Variants in FHAD1 observed in about 807,000 individuals in gnomAD.
FHAD1 encodes forkhead-associated domain-containing protein 1.
FHAD1 carries 146 observed loss-of-function variants against 191.3 expected under a neutral mutation model. The observed-to-expected ratio is 0.76, with a 90% CI of 0.67 to 0.88. The LOEUF is 0.88. Ranked by LOEUF, FHAD1 falls within the 40% of genes least tolerant of loss-of-function variation. The pLI, the probability that FHAD1 is intolerant of heterozygous loss-of-function variation, is 0.00. For synonymous variants in FHAD1, 616 were observed against 672.3 expected (o/e 0.92, Z 1.29); for missense variants, 1,635 against 1,785.8 (o/e 0.92, Z 1.52).
At chr1:15,241,329 T>G (rs1645342985) in intron 1 of FHAD1, among the ~76,000 whole-genome samples, 1 of 152,118 alleles carries the variant, frequency 6.6e-6, no homozygotes, top group African/African-American at 2.4e-5. Flanking sequence ...GAAGATGGAA[T>G]TTGTAGGATC....
At chr1:15,400,297 G>T (rs1261657583), downstream of FHAD1, 1 of 152,208 alleles carries the variant, frequency 6.6e-6, no homozygotes, top group Non-Finnish European at 1.5e-5. Context: ...CTGTAGTCAG[G>T]TCTATGTATT....
In FHAD1 at chr1:15,251,791, G is replaced by A; in HGVS notation, c.7G>A (p.Ala3Thr). 2 of 1,551,572 alleles carry A rather than the reference G, an allele frequency of 1.3e-6. No homozygotes were observed. The highest frequency in any genetic ancestry group is 1.7e-6 in the Non-Finnish European group (2 of 1,146,908). MKAYLKSAEGFFV... is the reference protein window; with the variant it reads MKTYLKSAEGFFV... ...TGTAGGGAAAACAGAGAGGATGAAG[G>A]CCTATCTAAAGAGCGCAGAAGGCTT... The change falls in exon 2 of 34, where the codon GCC (alanine) becomes ACC (threonine). Residue 3 changes from alanine to threonine, a missense_variant. Coordinates refer to ENST00000688493, the MANE Select transcript of FHAD1 (RefSeq NM_001391957.1).
intron 11 of FHAD1, 70 bp from the exon 12 acceptor site, chr1:15,326,989 C>A: frequency 2.2e-6 from 2 of 924,912 alleles, no homozygotes; most frequent in Non-Finnish European, 3.5e-6. Context: ...CGCACCCTGC[C>A]ATGGAAACGC....
chr1:15,272,887 T>C lies in FHAD1; in HGVS notation c.300+358T>C, dbSNP rs553764985. Among the ~76,000 whole-genome samples, 38 of 152,338 alleles carry C rather than the reference T, an allele frequency of 2.5e-4. No homozygotes were observed. The East Asian group carries it at 3.9e-3, about 15-fold the overall frequency. ...GATGAGCACGCTGCTCCTTCCTAGC[T>C]CTGTGACCTGGGCCAGACTTCTTCA... On this transcript the variant is annotated intron_variant, in intron 3 of 33. Transcript: ENST00000688493.
At chr1:15,387,799 C>T (rs1053018048) in intron 31 of FHAD1, among the ~76,000 whole-genome samples, 1 of 152,236 alleles carries the variant, frequency 6.6e-6, no homozygotes, top group East Asian at 1.9e-4. Context: ...GTGGGAGGAC[C>T]GCTTGAGCCT....
Position 15,339,504 on chromosome 1 carries a change from C to A in FHAD1, c.1930C>A (p.Leu644Ile). 1 of 1,282,704 alleles carries A rather than the reference C, an allele frequency of 7.8e-7. No individual in the cohort carries two copies. The highest frequency in any genetic ancestry group is 1.0e-6 in the Non-Finnish European group (1 of 974,326). The allele number at this position is 1,282,704 out of a possible 1,614,324, so 79.5% of individuals were successfully genotyped here. A position where few individuals can be genotyped will look rare whatever the true frequency, so the allele number is the denominator to read the frequency against. Residue 644 changes from leucine (L) to isoleucine (I), a missense_variant, in exon 15 of 34, where the codon CTT (leucine) becomes ATT (isoleucine). Transcript: ENST00000688493. The stretch of plus-strand genomic sequence containing the variant: ...AGGGTTCTCTTTGTATCTGATATAT[C>A]TTCTGGAACATTATAAAAAACTTAT... ...NKGFSLYLIY[L>I]LEHYKKLMSQ...
At chr1:15,256,285 G>A (rs1478226882) in intron 2 of FHAD1, among the ~76,000 whole-genome samples, 3 of 152,118 alleles carry the variant, frequency 2.0e-5, no homozygotes, top group Non-Finnish European at 4.4e-5. Context: ...TGACACAGTG[G>A]GGTTAGGTGA....
At chr1:15,320,269 G>C (rs772920971) in intron 10 of FHAD1, among the ~76,000 whole-genome samples, 5 of 152,174 alleles carry the variant, frequency 3.3e-5, no homozygotes, top group Admixed American at 6.5e-5. Flanking sequence ...TTTATGGCCT[G>C]CATGTGGCCG....
chr1:15,339,383 G>A (rs537569694), intron 14 of FHAD1, 98 bp from the exon 15 acceptor site: 9 of 476,808 alleles, frequency 1.9e-5, no homozygotes, highest in East Asian at 1.4e-4. Context: ...GGCAGCTCAC[G>A]TTGTTTTGAT....
At chr1:15,337,782 G>T (rs200451973) in intron 14 of FHAD1, among the ~76,000 whole-genome samples, 166 of 151,824 alleles carry the variant, frequency 1.1e-3, no homozygotes, top group African/African-American at 3.6e-3. Flanking sequence ...AAAAAACAAC[G>T]CTCTTCATCA....
At position 15,358,303 on chromosome 1, in the gene FHAD1, G is replaced by A. The variant is rs992764699; in HGVS notation, c.2736+20G>A. The stretch of plus-strand genomic sequence containing the variant: ...AAAATGGTAAGTCGGTGCCTTCCGG[G>A]AACGGGAGAATTTTTCTCTCAATGG... On this transcript the variant is annotated intron_variant, in intron 21 of 33. Transcript: ENST00000688493. The A allele has an allele frequency of 1.3e-6, 2 of 1,519,092 alleles. No homozygotes were observed. The highest frequency in any genetic ancestry group is 2.8e-5 in the African/African-American group (2 of 70,532). 94.1% of individuals were successfully genotyped at this position (1,519,092 alleles called of 1,614,324 possible).
rs186052123 is a variant in FHAD1 at position 15,263,767 on chromosome 1, C to T, written c.94-8556C>T. On this transcript the variant is annotated intron_variant, in intron 2 of 33. Transcript: ENST00000688493. ...TGATCTCCTGACCTCGTGATCTGCCCGCCTCAGCCTCCCAAAGTGCTGGGA... is the reference window on the plus strand; with the variant it reads ...TGATCTCCTGACCTCGTGATCTGCCTGCCTCAGCCTCCCAAAGTGCTGGGA... 1.3e-3 allele frequency among the ~76,000 whole-genome samples: 191 copies of T among 152,120 alleles called. 3 individuals are homozygous for T. The South Asian group carries it at 0.032, about 25-fold the overall frequency.
intron 2 of FHAD1, among the ~76,000 whole-genome samples, chr1:15,257,148 G>A (rs77345043): frequency 0.13 from 19,860 of 152,218 alleles, 1,406 homozygotes; most frequent in Middle Eastern, 0.2. Flanking sequence ...TTTCACGGAC[G>A]TGCGAGTCCA....
intron 2 of FHAD1, among the ~76,000 whole-genome samples, chr1:15,264,105 TCTTCAGGGTTC>T (rs1652374769): frequency 6.6e-6 from 1 of 152,202 alleles, no homozygotes; most frequent in South Asian, 2.1e-4. Flanking sequence ...TTGTTTTGGC[TCTTCAGGGTTC>T]CTTTGAGAAT....
chr1:15,387,279 C>A (rs1412297306), intron 31 of FHAD1, among the ~76,000 whole-genome samples: 1 of 152,132 alleles, frequency 6.6e-6, no homozygotes, highest in African/African-American at 2.4e-5. Flanking sequence ...CAGGTATTTT[C>A]AAGATCCTGG....
intron 14 of FHAD1, among the ~76,000 whole-genome samples, chr1:15,333,931 C>T (rs982568498): frequency 3.5e-5 from 5 of 143,850 alleles, no homozygotes; most frequent in African/African-American, 1.3e-4. Flanking sequence ...CTCCCAGGCT[C>T]AAGCGATCCT....
chr1:15,238,935 T>C (rs1160873728), intron 1 of FHAD1, among the ~76,000 whole-genome samples: 2 of 152,016 alleles, frequency 1.3e-5, no homozygotes, highest in East Asian at 3.9e-4. Flanking sequence ...GAGACGGGGG[T>C]CTCACTAAGT....
At chr1:15,246,927 C>T (rs1646111230), upstream of FHAD1, among the ~76,000 whole-genome samples, 1 of 152,126 alleles carries the variant, frequency 6.6e-6, no homozygotes, top group South Asian at 2.1e-4. Context: ...CATCAATCTC[C>T]TACCTCTCCC....
In FHAD1 at chr1:15,360,517, G is replaced by A. The variant is rs912770434; in HGVS notation, c.2776G>A (p.Val926Ile). The A allele has an allele frequency of 1.5e-5, 24 of 1,551,564 alleles. No individual in the cohort carries two copies. Among genetic ancestry groups the A allele is most frequent in the Non-Finnish European group, 1.9e-5 (22 of 1,146,934 alleles). Residue 926 changes from valine to isoleucine, a missense_variant, in exon 22 of 34, where the codon GTA (valine) becomes ATA (isoleucine). Physicochemically the swap from Val to Ile is conservative, Grantham distance 29. Transcript: ENST00000688493. ...GCGGCTAATCCTGCAGCAGAAGATGGTAAAGGCCCTCCAGGATGAGCAGGA... is the reference window on the plus strand; with the variant it reads ...GCGGCTAATCCTGCAGCAGAAGATGATAAAGGCCCTCCAGGATGAGCAGGA... ...EERLILQQKM[V>I]KALQDEQESQ...
Sources: gnomAD v4.1 joint callset for allele counts (sites outside exome capture counted in the v4.1 genomes callset) on GRCh38, gnomAD v4.1.1 for gene constraint, MANE v1.5 for transcripts, NCBI Gene and HGNC (gene_info 2026-07-23, HGNC 2026-07-21) for gene names.